TMEM154: variants seen among roughly 807,000 people sequenced by gnomAD.
The protein encoded by TMEM154 is transmembrane protein 154.
In TMEM154, 27 loss-of-function variants were observed where a neutral mutation model predicts 24.5. The observed-to-expected ratio is 1.10, with a 90% CI of 0.81 to 1.52. The LOEUF is 1.52. TMEM154 is among the 40% of genes most tolerant of loss of function. The probability of loss-of-function intolerance (pLI) is 0.00; values close to 1 mark genes in which losing one functional copy is unlikely to be tolerated. For synonymous variants in TMEM154, 67 were observed against 76.8 expected (o/e 0.87, Z 0.67); for missense variants, 228 against 213.4 (o/e 1.07, Z -0.43).
Position 152,679,423 on chromosome 4 carries a change from A to G in TMEM154, c.64+447T>C, listed in dbSNP as rs973112494. Among the ~76,000 whole-genome samples the G allele has an allele frequency of 1.1e-4, 17 of 150,986 alleles. 1 individual carries two copies. The highest frequency in any genetic ancestry group is 8.6e-4 in the Admixed American group (13 of 15,140). ...TCGTTTCTTTAGTATGCTTTCTAGT[A>G]GTAAATTTTCACACCCCAGTTTTTC... On this transcript the variant is annotated intron_variant, in intron 1 of 6. Coordinates refer to ENST00000304385, the MANE Select transcript of TMEM154 (RefSeq NM_152680.3).
At chr4:152,644,467 C>CT (rs556639236) in intron 3 of TMEM154, 25 bp from the exon 4 acceptor site, 466 of 1,613,608 alleles carry the variant, frequency 2.9e-4, no homozygotes, top group Middle Eastern at 5.0e-4. Flanking sequence ...ACATAAAGGT[C>CT]ATGTTAGCTT....
At chr4:152,630,796 T>C (rs1752024741) in intron 6 of TMEM154, among the ~76,000 whole-genome samples, 1 of 152,234 alleles carries the variant, frequency 6.6e-6, no homozygotes, top group Admixed American at 6.5e-5. Context: ...TTGGTATTTA[T>C]TCTCCCAAAG....
In TMEM154 at chr4:152,627,915, C is replaced by T. The variant is rs1485078573; in HGVS notation, c.*631G>A. ...TGGCCATGCTAGGGTCTACAAGTTA[C>T]CAAACGCCACCTCATCAGGACTGTG... On this transcript the variant is annotated 3_prime_UTR_variant, in exon 7 of 7. Transcript: ENST00000304385. The T allele has an allele frequency of 6.5e-6, 1 of 152,816 alleles. No individual in the cohort carries two copies. The highest frequency in any genetic ancestry group is 1.5e-5 in the Non-Finnish European group (1 of 68,478). The allele number at this position is 152,816 out of a possible 1,614,324, so 9.5% of individuals were successfully genotyped here. A position where few individuals can be genotyped will look rare whatever the true frequency, so the allele number is the denominator to read the frequency against.
At chr4:152,630,288 G>T (rs1444049497) in intron 6 of TMEM154, among the ~76,000 whole-genome samples, 1 of 113,798 alleles carries the variant, frequency 8.8e-6, no homozygotes, top group African/African-American at 3.4e-5. Context: ...CTCCAGCCTG[G>T]GTAAGAGAGA....
At chr4:152,669,833 G>T (rs1445126682) in intron 1 of TMEM154, 2 of 152,172 alleles carry the variant, frequency 1.3e-5, no homozygotes, top group African/African-American at 4.8e-5. Flanking sequence ...AGATTTATTG[G>T]TTTTAAGGAA....
At chr4:152,672,056 G>T (rs1177888779) in intron 1 of TMEM154, among the ~76,000 whole-genome samples, 1 of 147,564 alleles carries the variant, frequency 6.8e-6, no homozygotes, top group Non-Finnish European at 1.5e-5. Context: ...AAAGTTCAAG[G>T]CCAGCTGAGC....
chr4:152,652,962 G>A (rs1728416977), intron 1 of TMEM154, 35 bp from the exon 2 acceptor site: 1 of 1,545,574 alleles, frequency 6.5e-7, no homozygotes, highest in African/African-American at 1.4e-5. Flanking sequence ...AATTTCCATG[G>A]AGACAAAGTT....
Position 152,674,142 on chromosome 4 carries a change from A to G in TMEM154, c.64+5728T>C, listed in dbSNP as rs553874249. On this transcript the variant is annotated intron_variant, in intron 1 of 6. Coordinates refer to ENST00000304385, the MANE Select transcript of TMEM154 (RefSeq NM_152680.3). ...CAAGAAAATACCTAAGGCTTAGGAG[A>G]GATATATATTTTTAAATGCTTAGAG... 1.6e-4 allele frequency among the ~76,000 whole-genome samples: 24 copies of G among 152,148 alleles called. 1 individual carries two copies. The highest frequency in any genetic ancestry group is 5.5e-4 in the African/African-American group (23 of 41,502).
In TMEM154 at chr4:152,623,716, C is replaced by T. The variant is rs189450551; in HGVS notation, c.*4830G>A. ...CCAACATGGCGAAACCCTGTCTCTA[C>T]TAAAAATACAAAAATTAGTTGTGCA... is the stretch of plus-strand genomic sequence containing the variant. On this transcript the variant is annotated 3_prime_UTR_variant, in exon 7 of 7. Transcript: ENST00000304385. The T allele has an allele frequency of 6.6e-6, 1 of 152,116 alleles. No individual in the cohort carries two copies. Among genetic ancestry groups the T allele is most frequent in the Non-Finnish European group, 1.5e-5 (1 of 68,004 alleles). The allele number at this position is 152,116 out of a possible 1,614,324, so 9.4% of individuals were successfully genotyped here.
In TMEM154 at chr4:152,624,394, G is replaced by T. The variant is rs1041743149; in HGVS notation, c.*4152C>A. The T allele has an allele frequency of 2.6e-5, 4 of 152,110 alleles. No individual in the cohort carries two copies. Among genetic ancestry groups the T allele is most frequent in the African/African-American group, 9.7e-5 (4 of 41,392 alleles). 9.4% of individuals were successfully genotyped at this position (152,110 alleles called of 1,614,324 possible). The stretch of plus-strand genomic sequence containing the variant: ...GTGGGAGGATTGCTTGAACCTAGAA[G>T]TTCAAAACCAGCCTGAGCAACACGG... On this transcript the variant is annotated 3_prime_UTR_variant, in exon 7 of 7. Transcript: ENST00000304385.
At chr4:152,678,208 A>G (rs931711156) in intron 1 of TMEM154, among the ~76,000 whole-genome samples, 17 of 152,114 alleles carry the variant, frequency 1.1e-4, no homozygotes, top group Non-Finnish European at 2.2e-4. Context: ...GGAACAAGTG[A>G]AGGGGCATAA....
chr4:152,665,125 G>A (rs913081820), intron 1 of TMEM154, among the ~76,000 whole-genome samples: 1 of 152,174 alleles, frequency 6.6e-6, no homozygotes, highest in Non-Finnish European at 1.5e-5. Context: ...GAAGCAGGAG[G>A]ATCACTTGAG....
At chr4:152,675,729 T>C (rs1388046937) in intron 1 of TMEM154, among the ~76,000 whole-genome samples, 1 of 152,244 alleles carries the variant, frequency 6.6e-6, no homozygotes, top group Non-Finnish European at 1.5e-5. Context: ...ACAAGGTGAT[T>C]GCACTAATCT....
intron 1 of TMEM154, among the ~76,000 whole-genome samples, chr4:152,666,148 T>G (rs1442438743): frequency 6.6e-6 from 1 of 152,054 alleles, no homozygotes; most frequent in African/African-American, 2.4e-5. Context: ...CAGGGCATAC[T>G]GGTTGAAGTT....
chr4:152,641,175 A>G (rs1752250566), intron 5 of TMEM154, 190 bp from the exon 6 acceptor site: 2 of 534,568 alleles, frequency 3.7e-6, no homozygotes, highest in South Asian at 5.2e-5. Context: ...AAGCACTAAT[A>G]ACACAGATGC....
At chr4:152,650,818 C>T (rs1031422299) in intron 3 of TMEM154, among the ~76,000 whole-genome samples, 3 of 152,182 alleles carry the variant, frequency 2.0e-5, no homozygotes, top group African/African-American at 4.8e-5. Flanking sequence ...GGCATGAAAA[C>T]GTTAGTCTCC....
rs552155037 is a variant in TMEM154 at position 152,628,711 on chromosome 4, A to G, written c.537-150T>C. On this transcript the variant is annotated intron_variant, in intron 6 of 6. Transcript: ENST00000304385. ...GAGCGCAGTGGCACAATCTCGGCCC[A>G]CTGCAAGCTCCACCTCCCAGGTTCA... The G allele has an allele frequency of 9.5e-4, 950 of 1,003,056 alleles. 19 individuals are homozygous for G. The South Asian group carries it at 0.018, about 19-fold the overall frequency. The allele number at this position is 1,003,056 out of a possible 1,614,324, so 62.1% of individuals were successfully genotyped here. A position where few individuals can be genotyped will look rare whatever the true frequency, so the allele number is the denominator to read the frequency against.
chr4:152,673,333 C>A (rs1728884865), intron 1 of TMEM154, among the ~76,000 whole-genome samples: 1 of 151,998 alleles, frequency 6.6e-6, no homozygotes, highest in African/African-American at 2.4e-5. Context: ...CAGAATCTCA[C>A]TCTGTTGCCC....
intron 1 of TMEM154, among the ~76,000 whole-genome samples, chr4:152,677,782 C>T (rs1439080036): frequency 1.3e-5 from 2 of 152,128 alleles, no homozygotes; most frequent in African/African-American, 2.4e-5. Context: ...TTTTTGTAAT[C>T]AGCCTCATAT....
Sources: gnomAD v4.1 joint callset for allele counts (sites outside exome capture counted in the v4.1 genomes callset) on GRCh38, gnomAD v4.1.1 for gene constraint, MANE v1.5 for transcripts, NCBI Gene and HGNC (gene_info 2026-07-23, HGNC 2026-07-21) for gene names.